The following SPEF2 variants were observed in gnomAD, a reference collection of about 807,000 sequenced individuals.
SPEF2 encodes the protein sperm flagella and cilia-associated protein 2.
A neutral mutation model predicts 224.6 loss-of-function variants in SPEF2; 187 were observed. The ratio of observed to expected loss-of-function variants is 0.83; its 90% CI spans 0.74 to 0.94. SPEF2 has a LOEUF of 0.94. Ranked by LOEUF, SPEF2 falls within the 40% of genes least tolerant of loss-of-function variation. SPEF2 has a pLI of 0.00. For missense variants in SPEF2, 2,170 were observed against 2,135.6 expected (o/e 1.02, Z -0.32); for synonymous variants, 715 against 707.3 (o/e 1.01, Z -0.17).
chr5:35,690,243 T>C (rs1386966102), intron 10 of SPEF2, among the ~76,000 whole-genome samples: 1 of 152,194 alleles, frequency 6.6e-6, no homozygotes, highest in African/African-American at 2.4e-5. Flanking sequence ...CTACTAGCTA[T>C]TTTGAAATAT....
intron 30 of SPEF2, among the ~76,000 whole-genome samples, chr5:35,784,773 C>A (rs921186467): frequency 1.3e-5 from 2 of 151,786 alleles, no homozygotes; most frequent in African/African-American, 4.8e-5. Flanking sequence ...CAGTGGCTTG[C>A]AAAGAACATG....
intron 23 of SPEF2, among the ~76,000 whole-genome samples, chr5:35,743,076 C>T (rs947216434): frequency 6.6e-6 from 1 of 151,020 alleles, no homozygotes; most frequent in African/African-American, 2.4e-5. Context: ...TTAACATAGA[C>T]TTACATATAA....
intron 10 of SPEF2, among the ~76,000 whole-genome samples, chr5:35,675,152 A>T (rs1751764412): frequency 6.6e-6 from 1 of 152,348 alleles, no homozygotes; most frequent in Non-Finnish European, 1.5e-5. Context: ...ACTTGCTTAT[A>T]TGATGAAGGC....
intron 4 of SPEF2, among the ~76,000 whole-genome samples, chr5:35,645,586 A>G (rs1263558422): frequency 6.6e-6 from 1 of 152,202 alleles, no homozygotes; most frequent in African/African-American, 2.4e-5. Flanking sequence ...GTGTTACATG[A>G]TAAAGAGAGA....
intron 25 of SPEF2, among the ~76,000 whole-genome samples, chr5:35,759,996 A>C (rs560869515): frequency 6.6e-6 from 1 of 152,064 alleles, no homozygotes; most frequent in East Asian, 1.9e-4. Context: ...TGCAGGTGGT[A>C]TTAGGGAATA....
intron 20 of SPEF2, among the ~76,000 whole-genome samples, chr5:35,715,940 G>C (rs10072048): frequency 0.75 from 113,613 of 151,158 alleles, 43,057 homozygotes; most frequent in Middle Eastern, 0.83. Context: ...CATATTGAAG[G>C]TGCTGTAGCA....
intron 10 of SPEF2, among the ~76,000 whole-genome samples, chr5:35,686,425 T>A (rs896025856): frequency 3.9e-5 from 6 of 152,086 alleles, no homozygotes; most frequent in Non-Finnish European, 5.9e-5. Context: ...ATACATTTTA[T>A]GTGCACTGAA....
At chr5:35,759,544 T>C in intron 24 of SPEF2, 24 bp from the exon 25 acceptor site, 1 of 1,538,410 alleles carries the variant, frequency 6.5e-7, no homozygotes, top group South Asian at 1.3e-5. Context: ...TCTTGGATAT[T>C]AACATTCACA....
chr5:35,649,270 C>T, intron 5 of SPEF2, 91 bp from the exon 6 acceptor site: 6 of 1,098,236 alleles, frequency 5.5e-6, no homozygotes, highest in Non-Finnish European at 6.6e-6. Flanking sequence ...ATTAGTAGTA[C>T]TTGTCACTTT....
chr5:35,756,655 A>G (rs1472251989), intron 24 of SPEF2, among the ~76,000 whole-genome samples: 1 of 152,188 alleles, frequency 6.6e-6, no homozygotes, highest in Non-Finnish European at 1.5e-5. Flanking sequence ...GGTGTTGGGT[A>G]ACAACAGACA....
chr5:35,762,295 C>T (rs78798094), intron 25 of SPEF2, among the ~76,000 whole-genome samples: 3,959 of 152,250 alleles, frequency 0.026, 80 homozygotes, highest in Middle Eastern at 0.058. Flanking sequence ...TATGCCACCA[C>T]TGCTGTCCTC....
chr5:35,770,020 T>TGTGC, intron 26 of SPEF2, among the ~76,000 whole-genome samples: 1 of 124,706 alleles, frequency 8.0e-6, no homozygotes, highest in South Asian at 2.7e-4. Flanking sequence ...TGTGTGTGTG[T>TGTGC]GTGCATGTGC....
intron 30 of SPEF2, among the ~76,000 whole-genome samples, chr5:35,780,482 G>A (rs1444920967): frequency 2.0e-5 from 3 of 152,120 alleles, no homozygotes; most frequent in Non-Finnish European, 4.4e-5. Flanking sequence ...GTGGAGGGAC[G>A]GAGGTGCCAT....
At chr5:35,625,654 G>A (rs1744130841) in intron 1 of SPEF2, among the ~76,000 whole-genome samples, 1 of 152,202 alleles carries the variant, frequency 6.6e-6, no homozygotes, top group African/African-American at 2.4e-5. Context: ...TATGTCCAGT[G>A]GCTCTTTAGA....
intron 19 of SPEF2, chr5:35,710,048 A>G: frequency 1.0e-6 from 1 of 979,352 alleles, no homozygotes; most frequent in Non-Finnish European, 1.2e-6. Context: ...CTTTAGTAAG[A>G]TATATTATGA....
intron 21 of SPEF2, among the ~76,000 whole-genome samples, chr5:35,739,401 A>C (rs1747194910): frequency 6.6e-6 from 1 of 152,080 alleles, no homozygotes; most frequent in Non-Finnish European, 1.5e-5. Flanking sequence ...TATTTTTTTT[A>C]GATGGAATTT....
At position 35,806,904 on chromosome 5, in the gene SPEF2, C is replaced by G. The variant is rs764320000; in HGVS notation, c.5208C>G (p.Asp1736Glu). 1 of 1,613,078 alleles carries G rather than the reference C, an allele frequency of 6.2e-7. No homozygotes were observed. Among genetic ancestry groups the G allele is most frequent in the Admixed American group, 1.7e-5 (1 of 59,834 alleles). Residue 1736 changes from aspartate to glutamate, a missense_variant, in exon 35 of 37, where the codon GAC (aspartate) becomes GAG (glutamate). Physicochemically the swap from Asp to Glu is conservative, Grantham distance 45. Coordinates refer to ENST00000356031, the MANE Select transcript of SPEF2 (RefSeq NM_024867.4). ...KVFKGGSEAQ[D>E]SNRFASHLKI... The stretch of plus-strand genomic sequence containing the variant: ...TCAAAGGGGGAAGTGAAGCACAGGA[C>G]TCCAATAGATTTGCCAGCCACCTAA...
At chr5:35,813,626 A>G (rs1051703245) in intron 36 of SPEF2, among the ~76,000 whole-genome samples, 1 of 152,218 alleles carries the variant, frequency 6.6e-6, no homozygotes, top group Non-Finnish European at 1.5e-5. Context: ...TTCAAGGAAC[A>G]AGATCTCTAA....
chr5:35,807,722 G>C (rs763518795), intron 36 of SPEF2: 137 of 1,535,972 alleles, frequency 8.9e-5, no homozygotes, highest in Admixed American at 3.5e-4. Flanking sequence ...GTGCAAGATG[G>C]AGAAACTAAG....
Sources: allele counts gnomAD v4.1 joint callset (sites outside exome capture counted in the v4.1 genomes callset), GRCh38; gene constraint gnomAD v4.1.1; transcripts MANE v1.5; gene names NCBI Gene and HGNC (gene_info 2026-07-23, HGNC 2026-07-21).